The following C12orf42 variants were observed in gnomAD, a reference collection of about 807,000 sequenced individuals.
The protein encoded by C12orf42 is uncharacterized protein C12orf42.
C12orf42 carries 25 observed loss-of-function variants against 21.6 expected under a neutral mutation model. The ratio of observed to expected loss-of-function variants is 1.16; its 90% CI spans 0.84 to 1.62. The LOEUF (loss-of-function observed/expected upper bound fraction) is 1.62, where lower values mean the gene tolerates loss of function less well. Ranked by LOEUF, C12orf42 falls within the 40% of genes most tolerant of loss-of-function variation. The pLI is 0.00. For synonymous variants in C12orf42, 174 were observed against 175.0 expected (o/e 0.99, Z 0.05); for missense variants, 483 against 459.3 (o/e 1.05, Z -0.47).
chr12:103,355,742 T>C (rs1248039590), intron 4 of C12orf42, among the ~76,000 whole-genome samples: 1 of 152,044 alleles, frequency 6.6e-6, no homozygotes, highest in Non-Finnish European at 1.5e-5. Context: ...AAAAACAGTT[T>C]TTGTCAATTT....
intron 4 of C12orf42, among the ~76,000 whole-genome samples, chr12:103,360,963 T>G (rs144441509): frequency 6.6e-6 from 1 of 152,116 alleles, no homozygotes; most frequent in Non-Finnish European, 1.5e-5. Context: ...TCTTGCACCA[T>G]TTGAGTTTCC....
intron 2 of C12orf42, among the ~76,000 whole-genome samples, chr12:103,437,091 A>T (rs1397827313): frequency 6.6e-6 from 1 of 151,940 alleles, no homozygotes; most frequent in East Asian, 1.9e-4. Flanking sequence ...AGAACTCAGG[A>T]TTAAGAATCT....
chr12:103,362,217 C>G (rs1312622074), intron 4 of C12orf42, among the ~76,000 whole-genome samples: 1 of 152,094 alleles, frequency 6.6e-6, no homozygotes, highest in Non-Finnish European at 1.5e-5. Flanking sequence ...CAGCCTGGAG[C>G]CTGGTAGCCC....
chr12:103,429,916 T>C (rs1950137057), intron 2 of C12orf42, among the ~76,000 whole-genome samples: 1 of 152,192 alleles, frequency 6.6e-6, no homozygotes, highest in Non-Finnish European at 1.5e-5. Context: ...CAGCTAGCCA[T>C]ATGCAGAAAA....
chr12:103,354,058 G>T (rs1054711052), intron 4 of C12orf42, among the ~76,000 whole-genome samples: 9 of 152,142 alleles, frequency 5.9e-5, no homozygotes, highest in African/African-American at 2.2e-4. Flanking sequence ...AAACTAAGAT[G>T]ATTTGAATCC....
chr12:103,123,305 A>G, the C12orf42 span, among the ~76,000 whole-genome samples: 1 of 152,178 alleles, frequency 6.6e-6, no homozygotes, highest in African/African-American at 2.4e-5. Context: ...GAAGGCTTCA[A>G]TGTCATTCAA....
the C12orf42 span, among the ~76,000 whole-genome samples, chr12:103,058,826 A>C: frequency 3.9e-5 from 6 of 152,200 alleles, no homozygotes; most frequent in Non-Finnish European, 8.8e-5. Flanking sequence ...GACACGGCTA[A>C]AGCAGTGTTA....
rs78123328 is a variant in C12orf42, at chr12:103,348,320, G to A, written c.259+20567C>T. On this transcript the variant is annotated intron_variant, in intron 4 of 5. Transcript: ENST00000548883. ...AACTTTCTTATAATTCGTGAGTACC[G>A]GAAAACAAGACAAGGAAGATCCTAC... 3.4e-3 allele frequency among the ~76,000 whole-genome samples: 519 copies of A among 152,182 alleles called. 4 individuals carry two copies. Among genetic ancestry groups the A allele is most frequent in the African/African-American group, 0.012 (484 of 41,524 alleles).
At chr12:103,522,922 C>T in the C12orf42 span, among the ~76,000 whole-genome samples, 2 of 152,270 alleles carry the variant, frequency 1.3e-5, no homozygotes, top group East Asian at 3.9e-4. Context: ...AACAGGTCAG[C>T]CTGGAAACAA....
Position 103,302,026 on chromosome 12 carries a change from A to T in C12orf42, c.*82T>A. 7.1e-7 allele frequency: 1 copy of T among 1,398,756 alleles called. No homozygotes were observed. The highest frequency in any genetic ancestry group is 9.8e-7 in the Non-Finnish European group (1 of 1,022,870). The allele number at this position is 1,398,756 out of a possible 1,614,324, so 86.6% of individuals were successfully genotyped here. On this transcript the variant is annotated 3_prime_UTR_variant, in exon 6 of 6. Transcript: ENST00000548883. ...TAACAATGGTTCTGTGGAAACCAGT[A>T]CATCTGAGGCCCTTTCTGTTGTTCT...
the C12orf42 span, among the ~76,000 whole-genome samples, chr12:103,140,680 C>G: frequency 6.6e-6 from 1 of 152,120 alleles, no homozygotes; most frequent in Non-Finnish European, 1.5e-5. Context: ...AGATGATATG[C>G]TTTGATTGAG....
At chr12:103,201,958 A>G in the C12orf42 span, among the ~76,000 whole-genome samples, 1 of 152,226 alleles carries the variant, frequency 6.6e-6, no homozygotes, top group East Asian at 1.9e-4. Flanking sequence ...GTGCATCAAA[A>G]TGATGTATAA....
intron 2 of C12orf42, among the ~76,000 whole-genome samples, chr12:103,477,416 T>C (rs138135726): frequency 1.3e-4 from 19 of 151,972 alleles, no homozygotes; most frequent in African/African-American, 4.6e-4. Flanking sequence ...GACAGGAATT[T>C]AGAGAGCTTG....
At chr12:103,399,066 T>C (rs918052977) in intron 3 of C12orf42, among the ~76,000 whole-genome samples, 1 of 152,012 alleles carries the variant, frequency 6.6e-6, no homozygotes, top group Non-Finnish European at 1.5e-5. Flanking sequence ...TTAAATAATG[T>C]TTTATACATT....
intron 4 of C12orf42, among the ~76,000 whole-genome samples, chr12:103,322,398 T>C (rs2040267555): frequency 6.6e-6 from 1 of 152,198 alleles, no homozygotes; most frequent in African/African-American, 2.4e-5. Context: ...AGTACCTTTC[T>C]GGGGCAGATG....
At chr12:103,250,586 T>G (rs2034251189) in intron 10 of C12orf42, among the ~76,000 whole-genome samples, 1 of 152,022 alleles carries the variant, frequency 6.6e-6, no homozygotes, top group African/African-American at 2.4e-5. Context: ...TGTTCAAGAG[T>G]TCCCCCAAAG....
At chr12:103,430,676 C>A (rs999952788) in intron 2 of C12orf42, among the ~76,000 whole-genome samples, 1 of 152,168 alleles carries the variant, frequency 6.6e-6, no homozygotes, top group African/African-American at 2.4e-5. Context: ...ATGTTTATTG[C>A]AGCACTATTC....
the C12orf42 span, among the ~76,000 whole-genome samples, chr12:103,180,615 C>CTTTTTTTTTTTTTTT: frequency 4.8e-5 from 3 of 61,964 alleles, no homozygotes; most frequent in African/African-American, 2.2e-4. Context: ...AAATAATTTC[C>CTTTTTTTTTTTTTTT]TTTTTTTTTT....
downstream of C12orf42, among the ~76,000 whole-genome samples, chr12:103,300,050 G>T (rs901123522): frequency 1.3e-5 from 2 of 152,186 alleles, no homozygotes; most frequent in East Asian, 1.9e-4. Context: ...AATTTGAAAA[G>T]AAATCCTTAC....
Sources: allele counts gnomAD v4.1 joint callset (sites outside exome capture counted in the v4.1 genomes callset), GRCh38; gene constraint gnomAD v4.1.1; transcripts MANE v1.5; gene names NCBI Gene and HGNC (gene_info 2026-07-23, HGNC 2026-07-21).